The following PRKN variants were observed in gnomAD, a reference collection of about 807,000 sequenced individuals.
The protein encoded by PRKN is parkin RBR E3 ubiquitin protein ligase, also known as E3 ubiquitin-protein ligase parkin.
PRKN carries 56 observed loss-of-function variants against 59.5 expected under a neutral mutation model. The ratio of observed to expected loss-of-function variants is 0.94; its 90% CI spans 0.76 to 1.18. The LOEUF is 1.18. Ranked by LOEUF, PRKN falls within the 50% of genes most tolerant of loss-of-function variation. The pLI is 0.00. For synonymous variants in PRKN, 250 were observed against 222.1 expected, an observed-to-expected ratio of 1.13 and a Z score of -1.12; for missense variants, 657 against 596.4, an observed-to-expected ratio of 1.10 and a Z score of -1.06.
intron 3 of PRKN, among the ~76,000 whole-genome samples, chr6:162,234,532 T>C (rs1481247634): frequency 6.6e-6 from 1 of 152,158 alleles, no homozygotes; most frequent in Non-Finnish European, 1.5e-5. Context: ...CTCAAGTCCT[T>C]GATATAAAAT....
chr6:162,332,559 A>G (rs574692551), intron 2 of PRKN, among the ~76,000 whole-genome samples: 1 of 152,160 alleles, frequency 6.6e-6, no homozygotes, highest in African/African-American at 2.4e-5. Flanking sequence ...GCCCTTCATG[A>G]AAAATTGGAA....
At chr6:161,694,061 CA>C (rs1356469609) in intron 7 of PRKN, among the ~76,000 whole-genome samples, 1 of 152,164 alleles carries the variant, frequency 6.6e-6, no homozygotes, top group African/African-American at 2.4e-5. Context: ...TTCTCTAAAA[CA>C]CAGCACTTAG....
At chr6:162,634,643 T>G (rs961294090) in intron 1 of PRKN, among the ~76,000 whole-genome samples, 2 of 152,192 alleles carry the variant, frequency 1.3e-5, no homozygotes, top group Non-Finnish European at 2.9e-5. Context: ...TTATTGTTTT[T>G]AAGACGGAGT....
chr6:162,375,773 A>C (rs977120709), intron 2 of PRKN, among the ~76,000 whole-genome samples: 1 of 151,476 alleles, frequency 6.6e-6, no homozygotes, highest in Admixed American at 6.6e-5. Context: ...ACAAACACAC[A>C]CCCCACTCTC....
chr6:162,100,030 T>A (rs1779901932), intron 4 of PRKN, among the ~76,000 whole-genome samples: 1 of 152,226 alleles, frequency 6.6e-6, no homozygotes, highest in Non-Finnish European at 1.5e-5. Flanking sequence ...GCAATATTTG[T>A]TTTTCTGTGC....
At chr6:162,714,636 T>C (rs1286094240) in intron 1 of PRKN, among the ~76,000 whole-genome samples, 1 of 152,208 alleles carries the variant, frequency 6.6e-6, no homozygotes, top group Non-Finnish European at 1.5e-5. Context: ...GTTTCAGTAA[T>C]GTGATTACGA....
At chr6:161,853,646 G>A (rs148829413) in intron 6 of PRKN, among the ~76,000 whole-genome samples, 1 of 152,234 alleles carries the variant, frequency 6.6e-6, no homozygotes, top group East Asian at 1.9e-4. Flanking sequence ...CTTTTTCTCT[G>A]GAAAACTGAA....
At chr6:162,017,760 C>T (rs905140504) in intron 5 of PRKN, among the ~76,000 whole-genome samples, 2 of 152,190 alleles carry the variant, frequency 1.3e-5, no homozygotes, top group African/African-American at 4.8e-5. Flanking sequence ...CCTGTCACAG[C>T]AAGGGACTAT....
In PRKN at chr6:162,054,157, A is replaced by G. The variant is rs1777763217; in HGVS notation, c.552T>C (p.Asp184=). 1 of 1,612,860 alleles carries G rather than the reference A, an allele frequency of 6.2e-7. No individual in the cohort carries two copies. Among genetic ancestry groups the G allele is most frequent in the Non-Finnish European group, 8.5e-7 (1 of 1,178,804 alleles). ...TCATCCGGTTTGGAATTAAAACATCATCCCAGCAAGATGGACCCTTTGGGA... is the reference window on the plus strand; with the variant it reads ...TCATCCGGTTTGGAATTAAAACATCGTCCCAGCAAGATGGACCCTTTGGGA... ...LTLTQGPSCW[D]DVLIPNRMSG... The change falls in exon 5 of 12, where the codon GAT becomes GAC. Residue 184 remains aspartate (D), a synonymous_variant. Coordinates refer to ENST00000366898, the MANE Select transcript of PRKN (RefSeq NM_004562.3).
chr6:161,731,290 G>C (rs1787701370), intron 7 of PRKN, among the ~76,000 whole-genome samples: 1 of 152,234 alleles, frequency 6.6e-6, no homozygotes, highest in South Asian at 2.1e-4. Flanking sequence ...GAACCCACCT[G>C]GTGGGTCATG....
chr6:161,411,555 C>G (rs1002282052), intron 9 of PRKN, among the ~76,000 whole-genome samples: 1 of 152,176 alleles, frequency 6.6e-6, no homozygotes, highest in Non-Finnish European at 1.5e-5. Context: ...ACAGGGATGC[C>G]TAAGAGACCA....
intron 6 of PRKN, among the ~76,000 whole-genome samples, chr6:161,910,704 TGAAAG>T (rs1778327202): frequency 6.6e-6 from 1 of 152,216 alleles, no homozygotes; most frequent in South Asian, 2.1e-4. Flanking sequence ...CTTTCACACA[TGAAAG>T]GAAGACTCAA....
At chr6:162,506,251 C>CAAAAAAA (rs10528135) in intron 1 of PRKN, among the ~76,000 whole-genome samples, 3 of 95,344 alleles carry the variant, frequency 3.1e-5, no homozygotes, top group African/African-American at 1.2e-4. Flanking sequence ...AAAGAGGAAG[C>CAAAAAAA]AAAAAAAAAA....
Position 161,877,766 on chromosome 6 carries a change from CCCATATTT to C in PRKN, c.735-91866_735-91859del, listed in dbSNP as rs1794790394. 2.6e-5 allele frequency among the ~76,000 whole-genome samples: 4 copies of C among 152,206 alleles called. 1 individual carries two copies. In the South Asian group the frequency reaches 8.4e-4, roughly 32 times the overall value. On this transcript the variant is annotated intron_variant, in intron 6 of 11. Coordinates refer to ENST00000366898, the MANE Select transcript of PRKN (RefSeq NM_004562.3). ...TACAGGCGGGAGCCACCACGCCCGGCCCATATTTGCATTTTAAAAAGAGCTTTAGTTAA... is the reference window on the plus strand; with the variant it reads ...TACAGGCGGGAGCCACCACGCCCGGCGCATTTTAAAAAGAGCTTTAGTTAA...
chr6:162,573,837 C>T (rs187154821), intron 1 of PRKN, among the ~76,000 whole-genome samples: 84 of 152,256 alleles, frequency 5.5e-4, no homozygotes, highest in African/African-American at 1.9e-3. Context: ...ATTTATGTAA[C>T]ACAAAGCTCG....
intron 10 of PRKN, among the ~76,000 whole-genome samples, chr6:161,383,997 C>G (rs796553687): frequency 2.1e-4 from 32 of 152,260 alleles, no homozygotes; most frequent in Admixed American, 7.2e-4. Flanking sequence ...GATCAGGAAC[C>G]AGAAGCAGGA....
At chr6:162,407,206 C>G (rs1337908997) in intron 2 of PRKN, among the ~76,000 whole-genome samples, 1 of 152,084 alleles carries the variant, frequency 6.6e-6, no homozygotes. Flanking sequence ...AGATGTTGAC[C>G]TGATTGAAGT....
chr6:161,858,858 C>CTTTTTTTTTTTTTTTTTTTTTTTTT (rs71544920), intron 6 of PRKN, among the ~76,000 whole-genome samples: 2 of 71,936 alleles, frequency 2.8e-5, no homozygotes, highest in African/African-American at 5.0e-5. Flanking sequence ...CACAGCTGTA[C>CTTTTTTTTTTTTTTTTTTTTTTTTT]TTTTTTTTTT....
At chr6:161,827,978 G>A (rs1306814784) in intron 6 of PRKN, among the ~76,000 whole-genome samples, 1 of 152,158 alleles carries the variant, frequency 6.6e-6, no homozygotes, top group Non-Finnish European at 1.5e-5. Flanking sequence ...TTCTGCTCAT[G>A]AATTTGAAAT....
Sources: gnomAD v4.1 joint callset for allele counts (sites outside exome capture counted in the v4.1 genomes callset) on GRCh38, gnomAD v4.1.1 for gene constraint, MANE v1.5 for transcripts, NCBI Gene and HGNC (gene_info 2026-07-23, HGNC 2026-07-21) for gene names.